The following AZIN2 variants were observed in gnomAD, a reference collection of about 807,000 sequenced individuals.
AZIN2 encodes ODC antizyme inhibitor-2.
Under a neutral mutation model 47.8 loss-of-function variants are expected in AZIN2, and 28 were observed. The ratio of observed to expected loss-of-function variants is 0.59; its 90% CI spans 0.43 to 0.80. The LOEUF (loss-of-function observed/expected upper bound fraction) is 0.80. Ranked by LOEUF, AZIN2 falls within the 30% of genes least tolerant of loss-of-function variation. The pLI is 0.00. For missense variants in AZIN2, 535 were observed against 582.5 expected (o/e 0.92, Z 0.84); for synonymous variants, 221 against 239.4 (o/e 0.92, Z 0.71).
the AZIN2 span, among the ~76,000 whole-genome samples, chr1:33,135,041 C>T: frequency 2.0e-5 from 3 of 152,216 alleles, no homozygotes; most frequent in Non-Finnish European, 4.4e-5. Context: ...AATCCCAGCA[C>T]TTTGGGAGCC....
At chr1:33,160,006 G>C in the AZIN2 span, 73 of 1,570,476 alleles carry the variant, frequency 4.6e-5, no homozygotes, top group Non-Finnish European at 6.0e-5. Flanking sequence ...CTCTGGGTGA[G>C]AGGAGGAAAT....
the AZIN2 span, among the ~76,000 whole-genome samples, chr1:33,152,716 G>T: frequency 6.6e-6 from 1 of 152,198 alleles, no homozygotes; most frequent in Admixed American, 6.5e-5. Context: ...TACCCTGGGA[G>T]AGAAATGCAA....
the AZIN2 span, chr1:33,159,668 C>G: frequency 4.4e-6 from 7 of 1,592,052 alleles, no homozygotes; most frequent in Non-Finnish European, 6.0e-6. This position sits in a 1 kb window ranked among gnomAD's most constrained non-coding sequence, Gnocchi z 4.2. Flanking sequence ...CCGGGGAGGG[C>G]CCCGGCGGGT....
chr1:33,127,787 A>T (rs559579507), downstream of AZIN2, among the ~76,000 whole-genome samples: 1 of 152,292 alleles, frequency 6.6e-6, no homozygotes, highest in African/African-American at 2.4e-5. Flanking sequence ...ATAATTCTTG[A>T]TCTCTAGGCC....
the AZIN2 span, among the ~76,000 whole-genome samples, chr1:33,135,376 A>G: frequency 0.03 from 4,540 of 152,280 alleles, 199 homozygotes; most frequent in African/African-American, 0.1. Context: ...CTTCCCCACA[A>G]GCAAGCTCTG....
chr1:33,135,253 A>C, the AZIN2 span, among the ~76,000 whole-genome samples: 4 of 152,150 alleles, frequency 2.6e-5, no homozygotes, highest in Admixed American at 6.5e-5. Context: ...GCGCCACTGC[A>C]CTCCTGCCTG....
chr1:33,117,971 G>A lies in AZIN2; in HGVS notation c.1099G>A (p.Val367Met), dbSNP rs145862219. 1.1e-3 allele frequency: 1,787 copies of A among 1,612,774 alleles called. 2 individuals are homozygous for A. The highest frequency in any genetic ancestry group is 1.4e-3 in the Non-Finnish European group (1,647 of 1,179,314). The change falls in exon 11 of 12, where the codon GTG (valine) becomes ATG (methionine). Residue 367 changes from valine (V) to methionine (M), a missense_variant. Physicochemically the swap from Val to Met is conservative, Grantham distance 21. Coordinates refer to ENST00000294517, the MANE Select transcript of AZIN2 (RefSeq NM_052998.4). ...WGPAVDGCDC[V>M]AEGLWLPQLH... ...CCCGGCGGTTGATGGCTGTGATTGCGTGGCTGAGGGCCTGTGGCTGCCGCA... is the reference window on the plus strand; with the variant it reads ...CCCGGCGGTTGATGGCTGTGATTGCATGGCTGAGGGCCTGTGGCTGCCGCA...
chr1:33,145,305 G>A, the AZIN2 span: 2 of 152,466 alleles, frequency 1.3e-5, no homozygotes, highest in Non-Finnish European at 2.9e-5. Flanking sequence ...TTACCCAGCC[G>A]GGCTGCTTTG....
intron 5 of AZIN2, among the ~76,000 whole-genome samples, chr1:33,091,544 T>G (rs1274491687): frequency 9.1e-5 from 1 of 11,016 alleles, no homozygotes; most frequent in East Asian, 0.02. Context: ...CCTGTCCTAT[T>G]TTCAGTTTTT....
chr1:33,118,262 A>T, intron 11 of AZIN2, 146 bp downstream of exon 11: 1 of 899,984 alleles, frequency 1.1e-6, no homozygotes, highest in South Asian at 2.1e-5. Context: ...TGTGCTTGGC[A>T]CCTGGCTGTG....
the AZIN2 span, among the ~76,000 whole-genome samples, chr1:33,149,652 G>A: frequency 1.3e-5 from 2 of 151,756 alleles, no homozygotes; most frequent in African/African-American, 4.8e-5. Flanking sequence ...ATGAGGTTTC[G>A]CAATGTTGGC....
chr1:33,126,055 C>A (rs1644854361), downstream of AZIN2, among the ~76,000 whole-genome samples: 1 of 152,172 alleles, frequency 6.6e-6, no homozygotes, highest in African/African-American at 2.4e-5. Flanking sequence ...TTCTATAATC[C>A]CCTTCAGAGC....
chr1:33,119,166 G>A (rs1056737149), intron 11 of AZIN2: 2 of 152,900 alleles, frequency 1.3e-5, no homozygotes, highest in African/African-American at 4.8e-5. Context: ...TCCAGGCTGG[G>A]GAGAGGACAT....
the AZIN2 span, among the ~76,000 whole-genome samples, chr1:33,135,045 G>A: frequency 6.6e-6 from 1 of 152,200 alleles, no homozygotes; most frequent in African/African-American, 2.4e-5. Context: ...CCAGCACTTT[G>A]GGAGCCGATG....
At chr1:33,158,870 C>T in the AZIN2 span, among the ~76,000 whole-genome samples, 17 of 149,910 alleles carry the variant, frequency 1.1e-4, no homozygotes, top group African/African-American at 3.4e-4. Context: ...GACAGAGTTT[C>T]GCTCTTATTG....
intron 8 of AZIN2, 144 bp from the exon 9 acceptor site, chr1:33,096,563 A>G: frequency 2.0e-6 from 2 of 987,976 alleles, no homozygotes; most frequent in East Asian, 2.6e-5. Flanking sequence ...GTCCACAGTT[A>G]TCAGCTGGGG....
intron 10 of AZIN2, chr1:33,101,720 T>A: frequency 1.6e-6 from 1 of 635,746 alleles, no homozygotes; most frequent in African/African-American, 1.8e-5. Context: ...GTTTATCACA[T>A]CTAAATCTAT....
At chr1:33,142,654 C>T in the AZIN2 span, 1 of 152,246 alleles carries the variant, frequency 6.6e-6, no homozygotes, top group Non-Finnish European at 1.5e-5. Flanking sequence ...ACTTGACTTA[C>T]AATTGCACAA....
chr1:33,114,162 C>T (rs1446226093), intron 10 of AZIN2, among the ~76,000 whole-genome samples: 5 of 151,344 alleles, frequency 3.3e-5, no homozygotes, highest in Non-Finnish European at 7.4e-5. Flanking sequence ...TGCTCTGTCA[C>T]CCAGGCTGGA....
Sources: allele counts gnomAD v4.1 joint callset (sites outside exome capture counted in the v4.1 genomes callset), GRCh38; gene constraint gnomAD v4.1.1; non-coding constraint Gnocchi (gnomAD v3.1); transcripts MANE v1.5; gene names NCBI Gene and HGNC (gene_info 2026-07-23, HGNC 2026-07-21).